The following AGBL4 variants were observed in gnomAD, a reference collection of about 807,000 sequenced individuals.
AGBL4 encodes the protein cytosolic carboxypeptidase 6.
In AGBL4, 58 loss-of-function variants were observed where a neutral mutation model predicts 66.4. The observed-to-expected ratio is 0.87, with a 90% CI of 0.71 to 1.09. The LOEUF is 1.09. AGBL4 is among the 50% of genes least tolerant of loss of function. The probability of loss-of-function intolerance (pLI) is 0.00; values close to 1 mark genes in which losing one functional copy is unlikely to be tolerated. For synonymous variants in AGBL4, 234 were observed against 222.9 expected, an observed-to-expected ratio of 1.05 and a Z score of -0.44; for missense variants, 579 against 631.0, an observed-to-expected ratio of 0.92 and a Z score of 0.88.
intron 11 of AGBL4, among the ~76,000 whole-genome samples, chr1:48,548,850 C>T (rs749684336): frequency 2.0e-5 from 3 of 152,188 alleles, no homozygotes; most frequent in Non-Finnish European, 4.4e-5. Flanking sequence ...TGAGTCACAT[C>T]AAGTATTGGC....
intron 2 of AGBL4, among the ~76,000 whole-genome samples, chr1:49,813,563 T>C (rs948291330): frequency 6.6e-6 from 1 of 152,176 alleles, no homozygotes; most frequent in Non-Finnish European, 1.5e-5. Flanking sequence ...TCATTCTTCA[T>C]GCATTCATTT....
At chr1:48,807,798 A>G (rs1385355763) in intron 6 of AGBL4, among the ~76,000 whole-genome samples, 1 of 152,050 alleles carries the variant, frequency 6.6e-6, no homozygotes, top group Non-Finnish European at 1.5e-5. Flanking sequence ...GGAGTGCTCC[A>G]TTGGTAACCC....
intron 4 of AGBL4, among the ~76,000 whole-genome samples, chr1:49,144,967 G>A (rs1288784943): frequency 6.6e-6 from 1 of 152,154 alleles, no homozygotes; most frequent in Non-Finnish European, 1.5e-5. Context: ...CAGAACAGAA[G>A]ATGTGGGAGA....
intron 3 of AGBL4, among the ~76,000 whole-genome samples, chr1:49,392,145 T>A (rs2148594062): frequency 6.6e-6 from 1 of 152,298 alleles, no homozygotes; most frequent in Non-Finnish European, 1.5e-5. Context: ...TGTGGCTGTT[T>A]AAATTTTTTA....
At chr1:48,907,189 T>C (rs1203728908) in intron 5 of AGBL4, among the ~76,000 whole-genome samples, 1 of 152,224 alleles carries the variant, frequency 6.6e-6, no homozygotes, top group Non-Finnish European at 1.5e-5. Flanking sequence ...AACTTTGCCT[T>C]ATTGAATTTA....
At chr1:49,016,976 C>G (rs1247594744) in intron 5 of AGBL4, among the ~76,000 whole-genome samples, 1 of 152,198 alleles carries the variant, frequency 6.6e-6, no homozygotes, top group Non-Finnish European at 1.5e-5. Flanking sequence ...GTGTCAAGAG[C>G]TCCTGCCTGA....
At chr1:49,715,758 T>G (rs147641678) in intron 2 of AGBL4, among the ~76,000 whole-genome samples, 1 of 152,308 alleles carries the variant, frequency 6.6e-6, no homozygotes, top group East Asian at 1.9e-4. Flanking sequence ...AAATGTCTTC[T>G]GAGAAGTATC....
chr1:49,261,812 T>G (rs1304947508), intron 3 of AGBL4, among the ~76,000 whole-genome samples: 2 of 148,224 alleles, frequency 1.3e-5, no homozygotes, highest in Non-Finnish European at 3.0e-5. Context: ...AAAACTACTT[T>G]AAAGTTCATA....
chr1:49,739,542 G>A (rs1650231564), intron 2 of AGBL4, among the ~76,000 whole-genome samples: 1 of 152,080 alleles, frequency 6.6e-6, no homozygotes, highest in African/African-American at 2.4e-5. Flanking sequence ...TCAGATTCAG[G>A]AAATACTGAG....
chr1:48,735,645 A>G (rs187824425), intron 6 of AGBL4, among the ~76,000 whole-genome samples: 2 of 152,004 alleles, frequency 1.3e-5, no homozygotes, highest in African/African-American at 4.8e-5. Flanking sequence ...CTGCCCTCCA[A>G]CCTCTCCCAT....
chr1:48,799,047 G>A (rs1403421640), intron 6 of AGBL4, among the ~76,000 whole-genome samples: 1 of 152,080 alleles, frequency 6.6e-6, no homozygotes, highest in African/African-American at 2.4e-5. Context: ...TTCTAGGTCT[G>A]TGAAGAATGA....
chr1:49,650,216 A>T (rs1424580164), intron 3 of AGBL4, among the ~76,000 whole-genome samples: 1 of 152,208 alleles, frequency 6.6e-6, no homozygotes, highest in Non-Finnish European at 1.5e-5. Flanking sequence ...CTGAGTGGAA[A>T]GCTGAAGGAA....
At position 49,505,152 on chromosome 1, in the gene AGBL4, G is replaced by A. The variant is rs1558003680; in HGVS notation, c.282+192161C>T. Among the ~76,000 whole-genome samples the A allele has an allele frequency of 2.0e-5, 3 of 152,038 alleles. No homozygotes were observed. The East Asian group carries it at 5.8e-4, about 29-fold the overall frequency. ...ACTCCAACTCCCATTTTATGTTTTT[G>A]ATTTCACACTTTACATCTTTTTATA... On this transcript the variant is annotated intron_variant, in intron 3 of 13. Coordinates refer to ENST00000371839, the MANE Select transcript of AGBL4 (RefSeq NM_032785.4).
At chr1:48,760,135 G>A (rs950194772) in intron 6 of AGBL4, among the ~76,000 whole-genome samples, 1 of 152,144 alleles carries the variant, frequency 6.6e-6, no homozygotes, top group African/African-American at 2.4e-5. Flanking sequence ...GCAAGACAGT[G>A]GATAGAGAGA....
chr1:49,919,592 T>C (rs975032069), intron 1 of AGBL4, among the ~76,000 whole-genome samples: 4 of 151,812 alleles, frequency 2.6e-5, no homozygotes, highest in Non-Finnish European at 1.5e-5. Flanking sequence ...TAAAAGAGGA[T>C]ACAAACAAAT....
chr1:49,325,787 G>A (rs188987091), intron 3 of AGBL4, among the ~76,000 whole-genome samples: 2 of 152,266 alleles, frequency 1.3e-5, no homozygotes, highest in African/African-American at 2.4e-5. Flanking sequence ...CTCATGAATG[G>A]TTTAGCACCA....
At chr1:49,534,171 CAAAAA>C (rs71059553) in intron 3 of AGBL4, among the ~76,000 whole-genome samples, 27 of 67,064 alleles carry the variant, frequency 4.0e-4, no homozygotes, top group Non-Finnish European at 5.7e-4. Context: ...CACCATTTTA[CAAAAA>C]AAAAAAAAAA....
intron 1 of AGBL4, among the ~76,000 whole-genome samples, chr1:49,881,870 G>A (rs1185519923): frequency 2.6e-5 from 4 of 151,740 alleles, no homozygotes; most frequent in Admixed American, 6.6e-5. Flanking sequence ...TTCTTTTGCT[G>A]TGCAGAAGCT....
chr1:49,097,144 T>C (rs1645120866), intron 4 of AGBL4, among the ~76,000 whole-genome samples: 1 of 152,186 alleles, frequency 6.6e-6, no homozygotes, highest in Non-Finnish European at 1.5e-5. Flanking sequence ...ACAATATACA[T>C]ACTTGATGAC....
Sources: gnomAD v4.1 joint callset for allele counts (sites outside exome capture counted in the v4.1 genomes callset) on GRCh38, gnomAD v4.1.1 for gene constraint, MANE v1.5 for transcripts, NCBI Gene and HGNC (gene_info 2026-07-23, HGNC 2026-07-21) for gene names.